PRTG: variants seen among roughly 807,000 people sequenced by gnomAD.
PRTG encodes the protein protogenin.
Under a neutral mutation model 122.5 loss-of-function variants are expected in PRTG, and 67 were observed. The ratio of observed to expected loss-of-function variants is 0.55; its 90% confidence interval spans 0.45 to 0.67. The LOEUF is 0.67. PRTG is among the 30% of genes least tolerant of loss of function. PRTG has a pLI of 0.00. For missense variants in PRTG, 1,435 were observed against 1,415.4 expected (o/e 1.01, Z -0.22); for synonymous variants, 554 against 501.1 (o/e 1.11, Z -1.41).
intron 2 of PRTG, among the ~76,000 whole-genome samples, chr15:55,695,512 G>C (rs917160243): frequency 6.6e-6 from 1 of 152,178 alleles, no homozygotes; most frequent in African/African-American, 2.4e-5. Context: ...GTTCAGCCAG[G>C]GGATCCCAAG....
rs552875882 is a variant in PRTG at position 55,709,390 on chromosome 15, G to T, written c.398-25459C>A. Among the ~76,000 whole-genome samples the T allele has an allele frequency of 5.7e-3, 836 of 147,730 alleles. 7 individuals are homozygous for T. The highest frequency in any genetic ancestry group is 7.3e-3 in the East Asian group (37 of 5,098). ...ATAAAATATACAATATATATATATAGAGAGAGAGAGCGCGTGAGAGAGTGT... is the reference window on the plus strand; with the variant it reads ...ATAAAATATACAATATATATATATATAGAGAGAGAGCGCGTGAGAGAGTGT... On this transcript the variant is annotated intron_variant, in intron 2 of 19. Transcript: ENST00000389286.
chr15:55,670,584 T>C (rs1273594331), intron 11 of PRTG, among the ~76,000 whole-genome samples: 2 of 152,172 alleles, frequency 1.3e-5, no homozygotes, highest in African/African-American at 4.8e-5. Context: ...GAAACATATG[T>C]AATTTCTCCT....
At chr15:55,642,191 AAAAAAAAAAAAAT>A (rs2059295400) in intron 11 of PRTG, among the ~76,000 whole-genome samples, 1 of 151,110 alleles carries the variant, frequency 6.6e-6, no homozygotes, top group African/African-American at 2.4e-5. Context: ...AAAAAAAAAA[AAAAAAAAAAAAAT>A]AGTTATACAT....
chr15:55,674,385 G>C (rs1165546499), intron 9 of PRTG, among the ~76,000 whole-genome samples: 4 of 152,116 alleles, frequency 2.6e-5, no homozygotes, highest in Admixed American at 2.0e-4. Context: ...GTGTTTCCCT[G>C]CTATGCTAAG....
At chr15:55,715,679 TG>T (rs1210971402) in intron 2 of PRTG, among the ~76,000 whole-genome samples, 7 of 152,196 alleles carry the variant, frequency 4.6e-5, no homozygotes, top group Admixed American at 3.3e-4. Flanking sequence ...CCCTGAGTAC[TG>T]GAAGTCCAAA....
In PRTG at chr15:55,677,807, C is replaced by T; in HGVS notation, c.1371G>A (p.Met457Ile). Reference sequence around the variant, plus strand: ...CCTAAAATCGCTTACCTTCTGCTTTCATGTAGTGTACAGAATAGGCAATGA... The same window carrying T: ...CCTAAAATCGCTTACCTTCTGCTTTTATGTAGTGTACAGAATAGGCAATGA... ...DKVIAYSVHY[M>I]KAEGLNNEEY... The change falls in exon 8 of 20, where the codon ATG (methionine) becomes ATA (isoleucine). Residue 457 changes from methionine (M) to isoleucine (I), a missense_variant. Physicochemically the swap from Met to Ile is conservative, Grantham distance 10 (BLOSUM62 1). Coordinates refer to ENST00000389286, the MANE Select transcript of PRTG (RefSeq NM_173814.6). The T allele has an allele frequency of 6.2e-7, 1 of 1,613,656 alleles. No individual in the cohort carries two copies. Among genetic ancestry groups the T allele is most frequent in the South Asian group, 1.1e-5 (1 of 91,026 alleles).
Position 55,649,368 on chromosome 15 carries a change from T to G in PRTG, c.2042-8160A>C, listed in dbSNP as rs1392452014. 2.0e-5 allele frequency among the ~76,000 whole-genome samples: 3 copies of G among 152,132 alleles called. No homozygotes were observed. The East Asian group carries it at 5.8e-4, about 29-fold the overall frequency. On this transcript the variant is annotated intron_variant, in intron 11 of 19. Transcript: ENST00000389286. Reference sequence around the variant, plus strand: ...TGGTTACAATCACCTGTAAAATGGGTATGACAATGATAACAGCATCCATCT... The same window carrying G: ...TGGTTACAATCACCTGTAAAATGGGGATGACAATGATAACAGCATCCATCT...
At chr15:55,702,888 G>A (rs2029945531) in intron 2 of PRTG, 1 of 985,010 alleles carries the variant, frequency 1.0e-6, no homozygotes, top group Non-Finnish European at 1.2e-6. Flanking sequence ...GCAATTCGGG[G>A]ACAGACCTTT....
chr15:55,740,554 A>C lies in PRTG; in HGVS notation c.225T>G (p.Asn75Lys). ...EVPIKVTWLKNGAKMSENKRI... is the reference protein window; with the variant it reads ...EVPIKVTWLKKGAKMSENKRI... ...GTTTATTTTCAGACATTTTTGCTCCATTTTTCAACCATGTGACCTTAATAG... is the reference window on the plus strand; with the variant it reads ...GTTTATTTTCAGACATTTTTGCTCCCTTTTTCAACCATGTGACCTTAATAG... The change falls in exon 2 of 20, where the codon AAT becomes AAG. Residue 75 changes from asparagine to lysine, a missense_variant. Transcript: ENST00000389286. The C allele has an allele frequency of 6.2e-7, 1 of 1,605,252 alleles. No individual in the cohort carries two copies. Among genetic ancestry groups the C allele is most frequent in the Non-Finnish European group, 8.5e-7 (1 of 1,175,088 alleles).
chr15:55,637,037 C>T lies in PRTG; in HGVS notation c.2623+133G>A, dbSNP rs571219180. On this transcript the variant is annotated intron_variant, in intron 15 of 19. Transcript: ENST00000389286. The stretch of plus-strand genomic sequence containing the variant: ...GGATGGCTTCCCGATGCCCTTTGAA[C>T]AAAGCCAAAATCTTTTATTACTTCA... 7.2e-4 allele frequency: 560 copies of T among 774,632 alleles called. 6 individuals are homozygous for T. The South Asian group carries it at 0.017, about 23-fold the overall frequency. The allele number at this position is 774,632 out of a possible 1,614,324, so 48.0% of individuals were successfully genotyped here.
At chr15:55,635,521 A>G (rs571747001) in intron 15 of PRTG, among the ~76,000 whole-genome samples, 1 of 152,382 alleles carries the variant, frequency 6.6e-6, no homozygotes, top group African/African-American at 2.4e-5. Flanking sequence ...TGAGAAAACA[A>G]AATGGTTATT....
At position 55,737,998 on chromosome 15, in the gene PRTG, C is replaced by A. The variant is rs1357266265; in HGVS notation, c.397+2384G>T. ...CTATTCTCTCTCTCTCTCTCTCTCT[C>A]TCTCTATATATATATATATATATAT... On this transcript the variant is annotated intron_variant, in intron 2 of 19. Coordinates refer to ENST00000389286, the MANE Select transcript of PRTG (RefSeq NM_173814.6). Among the ~76,000 whole-genome samples, 77 of 65,288 alleles carry A rather than the reference C, an allele frequency of 1.2e-3. 1 individual carries two copies. The highest frequency in any genetic ancestry group is 3.5e-3 in the African/African-American group (73 of 20,778). The allele number at this position is 65,288 out of a possible 152,430, so 42.8% of individuals were successfully genotyped here. A position where few individuals can be genotyped will look rare whatever the true frequency, so the allele number is the denominator to read the frequency against.
intron 2 of PRTG, among the ~76,000 whole-genome samples, chr15:55,728,056 G>A (rs2031098990): frequency 6.6e-6 from 1 of 151,962 alleles, no homozygotes; most frequent in Non-Finnish European, 1.5e-5. Flanking sequence ...AGTAGAGACG[G>A]GGTCTCACCA....
intron 4 of PRTG, among the ~76,000 whole-genome samples, chr15:55,682,043 T>A (rs1307207818): frequency 6.6e-6 from 1 of 152,172 alleles, no homozygotes; most frequent in Non-Finnish European, 1.5e-5. Flanking sequence ...CAGGAGAGTG[T>A]GCATAGGTGA....
intron 18 of PRTG, among the ~76,000 whole-genome samples, chr15:55,623,764 C>T (rs926715220): frequency 3.3e-5 from 5 of 152,156 alleles, no homozygotes; most frequent in Non-Finnish European, 7.4e-5. Flanking sequence ...ATGCTTACAA[C>T]AGCACTATTA....
At chr15:55,637,386 C>G in intron 14 of PRTG, 46 bp from the exon 15 acceptor site, 1 of 1,413,210 alleles carries the variant, frequency 7.1e-7, no homozygotes, top group Admixed American at 2.4e-5. Context: ...TAAAATGGTT[C>G]ATAAATACTC....
At position 55,620,686 on chromosome 15, in the gene PRTG, A is replaced by T; in HGVS notation, c.3175T>A (p.Ser1059Thr). 1 of 1,597,640 alleles carries T rather than the reference A, an allele frequency of 6.3e-7. No homozygotes were observed. Among genetic ancestry groups the T allele is most frequent in the Non-Finnish European group, 8.5e-7 (1 of 1,176,232 alleles). ...ACCTGCTCAACTTGTATCTTCTTTG[A>T]GTCTTGGAAAAAAAACCACTTTTTC... ...SKKKWFFFQD[S>T]KKIQVEQPQR... The change falls in exon 19 of 20, where the codon TCA (serine) becomes ACA (threonine). Residue 1059 changes from serine to threonine, a missense_variant. By Grantham distance (58) the Ser-to-Thr change is moderately conservative. Coordinates refer to ENST00000389286, the MANE Select transcript of PRTG (RefSeq NM_173814.6).
intron 1 of PRTG, among the ~76,000 whole-genome samples, chr15:55,741,860 C>T (rs1368659218): frequency 6.6e-6 from 1 of 152,218 alleles, no homozygotes; most frequent in Admixed American, 6.5e-5. Context: ...TGTTTCTGAG[C>T]CACATCTGAC....
At chr15:55,701,051 A>C (rs1249857097) in intron 2 of PRTG, among the ~76,000 whole-genome samples, 1 of 152,246 alleles carries the variant, frequency 6.6e-6, no homozygotes, top group Admixed American at 6.5e-5. Flanking sequence ...AGAGAAATGC[A>C]AATTAAAACC....
Sources: gnomAD v4.1 joint callset for allele counts (sites outside exome capture counted in the v4.1 genomes callset) on GRCh38, gnomAD v4.1.1 for gene constraint, MANE v1.5 for transcripts, NCBI Gene and HGNC (gene_info 2026-07-23, HGNC 2026-07-21) for gene names.